Variants in KAZN observed in about 807,000 individuals in gnomAD.
The protein encoded by KAZN is kazrin, periplakin interacting protein.
A neutral mutation model predicts 87.4 loss-of-function variants in KAZN; 40 were observed. That is an observed-to-expected ratio of 0.46 (90% CI 0.36 to 0.60). KAZN has a LOEUF of 0.60. Among genes scored for constraint, KAZN ranks in the 20% least tolerant of loss-of-function variants. The probability of loss-of-function intolerance (pLI) is 0.00; values close to 1 mark genes in which losing one functional copy is unlikely to be tolerated. For synonymous variants in KAZN, 466 were observed against 458.3 expected (o/e 1.02, Z -0.22); for missense variants, 898 against 1,073.9 (o/e 0.84, Z 2.29).
chr1:15,105,864 T>C (rs742659), intron 13 of KAZN, among the ~76,000 whole-genome samples: 59,636 of 152,016 alleles, frequency 0.39, 11,875 homozygotes, highest in South Asian at 0.48. Flanking sequence ...ATTGAAGCTA[T>C]TGTAAAATGC....
At chr1:14,175,736 T>G (rs1646059032) in intron 1 of KAZN, among the ~76,000 whole-genome samples, 2 of 152,298 alleles carry the variant, frequency 1.3e-5, no homozygotes, top group South Asian at 4.1e-4. Context: ...TTGTTAATAG[T>G]AATGTCTGTG....
rs12032870 is a variant in KAZN at position 15,077,911 on chromosome 1, C to T, written c.1222+12158C>T. ...TTTACTAAGTGCCTACTGTGCCAGG[C>T]ATGGGGTAGGCATTTGATGTACACT... On this transcript the variant is annotated intron_variant, in intron 8 of 14. Coordinates refer to ENST00000376030, the MANE Select transcript of KAZN (RefSeq NM_201628.3). This position sits in a 1 kb window ranked among gnomAD's most constrained non-coding sequence, Gnocchi z 4.8. 0.01 allele frequency among the ~76,000 whole-genome samples: 1,591 copies of T among 152,232 alleles called. 40 individuals carry two copies. Among genetic ancestry groups the T allele is most frequent in the East Asian group, 0.08 (413 of 5,174 alleles).
At chr1:14,337,032 A>C (rs1324490120) in intron 2 of KAZN, among the ~76,000 whole-genome samples, 1 of 152,238 alleles carries the variant, frequency 6.6e-6, no homozygotes, top group Non-Finnish European at 1.5e-5. Flanking sequence ...GCATTGTCAG[A>C]AGGAGGTGAG....
chr1:14,838,707 T>C (rs542712076), intron 1 of KAZN, among the ~76,000 whole-genome samples: 1 of 152,286 alleles, frequency 6.6e-6, no homozygotes, highest in African/African-American at 2.4e-5. Flanking sequence ...TGCAAACCTC[T>C]GCCTCCCAGG....
At chr1:14,059,523 G>T (rs1046280262) in intron 1 of KAZN, among the ~76,000 whole-genome samples, 14 of 152,304 alleles carry the variant, frequency 9.2e-5, no homozygotes, top group Non-Finnish European at 1.9e-4. Context: ...ACAGCTGATT[G>T]GATGGTGCCC....
chr1:14,060,474 A>G (rs1642752361), intron 1 of KAZN, among the ~76,000 whole-genome samples: 1 of 152,022 alleles, frequency 6.6e-6, no homozygotes, highest in African/African-American at 2.4e-5. Flanking sequence ...AATGATAAAG[A>G]TGTCATTTAG....
intron 1 of KAZN, among the ~76,000 whole-genome samples, chr1:14,955,841 T>A (rs994310853): frequency 2.0e-5 from 3 of 152,226 alleles, no homozygotes; most frequent in Non-Finnish European, 4.4e-5. Flanking sequence ...TCCTGTGCAG[T>A]GCTCAGGCAA....
intron 2 of KAZN, among the ~76,000 whole-genome samples, chr1:14,296,669 T>A (rs887328707): frequency 7.3e-6 from 1 of 136,504 alleles, no homozygotes; most frequent in African/African-American, 2.7e-5. Flanking sequence ...AAAATCTTGC[T>A]CTGTCACCCA....
rs1487383572 is a variant in KAZN at position 15,103,424 on chromosome 1, G to A, written c.1845G>A (p.Gln615=). ...QNIDPVVWTN[Q]RVLKWVRDID... ...TTGACCCCGTGGTGTGGACCAACCA[G>A]CGGGTGCTCAAGTGGGTTCGAGACA... is the stretch of plus-strand genomic sequence containing the variant. Residue 615 remains glutamine (Q), a synonymous_variant, in exon 12 of 15, where the codon CAG becomes CAA. Coordinates refer to ENST00000376030, the MANE Select transcript of KAZN (RefSeq NM_201628.3). The A allele has an allele frequency of 7.1e-6, 11 of 1,552,546 alleles. No homozygotes were observed. Among genetic ancestry groups the A allele is most frequent in the Admixed American group, 2.0e-5 (1 of 51,054 alleles).
At chr1:14,155,731 C>A (rs184306280) in intron 1 of KAZN, among the ~76,000 whole-genome samples, 4 of 152,212 alleles carry the variant, frequency 2.6e-5, no homozygotes, top group East Asian at 3.9e-4. Flanking sequence ...CTCACTACAA[C>A]CTCTGCCTCC....
chr1:14,478,274 A>AAGGAAAGAAGGAAGG (rs1553178148), intron 2 of KAZN, among the ~76,000 whole-genome samples: 1 of 111,404 alleles, frequency 9.0e-6, no homozygotes, highest in Non-Finnish European at 2.1e-5. Flanking sequence ...AGGAAGGAAG[A>AAGGAAAGAAGGAAGG]AAGGAAGGAA....
chr1:15,021,311 C>T lies in KAZN; in HGVS notation c.419-13438C>T, dbSNP rs1184009232. On this transcript the variant is annotated intron_variant, in intron 2 of 14. Transcript: ENST00000376030. This position sits in a 1 kb window ranked among gnomAD's most constrained non-coding sequence, Gnocchi z 4.2. Reference sequence around the variant, plus strand: ...AGTCCTCGTTGTGTGGGGCATGGGGCCTGAGGCTGATATTGCATTTCCAGA... The same window carrying T: ...AGTCCTCGTTGTGTGGGGCATGGGGTCTGAGGCTGATATTGCATTTCCAGA... Among the ~76,000 whole-genome samples the T allele has an allele frequency of 1.3e-5, 2 of 152,190 alleles. No homozygotes were observed.
At chr1:14,638,581 A>AAAAAAAAAAACAAAAAAAAAAAC (rs1553201085) in intron 1 of KAZN, among the ~76,000 whole-genome samples, 2,193 of 39,344 alleles carry the variant, frequency 0.056, 74 homozygotes, top group African/African-American at 0.2. Flanking sequence ...AAAAAAAACA[A>AAAAAAAAAAACAAAAAAAAAAAC]AAAAAAAAAA....
In KAZN at chr1:14,117,583, G is replaced by T. The variant is rs146418082; in HGVS notation, c.92-62852G>T. Among the ~76,000 whole-genome samples the T allele has an allele frequency of 3.6e-3, 541 of 152,214 alleles. 2 individuals are homozygous for T. Among genetic ancestry groups the T allele is most frequent in the Non-Finnish European group, 6.1e-3 (412 of 68,016 alleles). On this transcript the variant is annotated intron_variant, in intron 1 of 16. Coordinates refer to the KAZN transcript ENST00000636203. The stretch of plus-strand genomic sequence containing the variant: ...CCACCTCCAAATACCATTACACTGG[G>T]GGTTGGGTCAGCAGGTCTGAAATCA...
chr1:14,220,199 C>G (rs1571053085), intron 2 of KAZN, among the ~76,000 whole-genome samples: 1 of 152,170 alleles, frequency 6.6e-6, no homozygotes, highest in South Asian at 2.1e-4. Flanking sequence ...ATCTACGACA[C>G]TCTTGCCTGT....
In KAZN at chr1:15,099,725, G is replaced by A. The variant is rs1205709828; in HGVS notation, c.1548-1818G>A. On this transcript the variant is annotated intron_variant, in intron 10 of 14. Coordinates refer to ENST00000376030, the MANE Select transcript of KAZN (RefSeq NM_201628.3). The surrounding 1 kb of genome is among the most constrained non-coding windows in gnomAD (Gnocchi z 5.4). ...CAGAGTGTTGAGCAGGGGAGTGCAC[G>A]GTCACACTGACATTTTAAAAGGACC... Among the ~76,000 whole-genome samples, 5 of 152,166 alleles carry A rather than the reference G, an allele frequency of 3.3e-5. No homozygotes were observed. Among genetic ancestry groups the A allele is most frequent in the South Asian group, 2.1e-4 (1 of 4,836 alleles).
chr1:14,690,740 A>G (rs1023336748), intron 1 of KAZN, among the ~76,000 whole-genome samples: 5 of 152,180 alleles, frequency 3.3e-5, no homozygotes, highest in African/African-American at 9.7e-5. Context: ...TTTGCCTTAG[A>G]TAGACCTCTA....
intron 2 of KAZN, among the ~76,000 whole-genome samples, chr1:14,281,923 T>C (rs1278773325): frequency 1.3e-5 from 2 of 152,090 alleles, no homozygotes; most frequent in Non-Finnish European, 2.9e-5. Context: ...TTGGGTAAAG[T>C]CCTGGGCAAA....
chr1:14,796,549 T>C (rs927199940), intron 1 of KAZN, among the ~76,000 whole-genome samples: 29 of 152,202 alleles, frequency 1.9e-4, no homozygotes, highest in African/African-American at 6.8e-4. Context: ...TCAGACAGTC[T>C]GGAATCGCTG....
Sources: allele counts gnomAD v4.1 joint callset (sites outside exome capture counted in the v4.1 genomes callset), GRCh38; gene constraint gnomAD v4.1.1; non-coding constraint Gnocchi (gnomAD v3.1); transcripts MANE v1.5; gene names NCBI Gene and HGNC (gene_info 2026-07-23, HGNC 2026-07-21).